The following DGKD variants were observed in gnomAD, a reference collection of about 807,000 sequenced individuals.
DGKD encodes diacylglycerol kinase delta, also known as DAG kinase delta.
DGKD carries 68 observed loss-of-function variants against 154.4 expected under a neutral mutation model. That is an observed-to-expected ratio of 0.44 (90% CI 0.36 to 0.54). The LOEUF (loss-of-function observed/expected upper bound fraction) is 0.54, where lower values mean the gene tolerates loss of function less well. Ranked by LOEUF, DGKD falls within the 20% of genes least tolerant of loss-of-function variation. The pLI, the probability that DGKD is intolerant of heterozygous loss-of-function variation, is 0.00. For missense variants in DGKD, 1,343 were observed against 1,593.6 expected (o/e 0.84, Z 2.68); for synonymous variants, 693 against 638.0 (o/e 1.09, Z -1.30).
chr2:233,449,048 T>A lies in DGKD; in HGVS notation c.1615-55T>A. 1 of 1,529,402 alleles carries A rather than the reference T, an allele frequency of 6.5e-7. No individual in the cohort carries two copies. The highest frequency in any genetic ancestry group is 2.3e-5 in the East Asian group (1 of 43,788). 94.7% of individuals were successfully genotyped at this position (1,529,402 alleles called of 1,614,324 possible). The stretch of plus-strand genomic sequence containing the variant: ...GTGAAATGGCCTGAGGTTCCCTGCC[T>A]GCAGACCCTGTTCTCCTGCCTCAGC... On this transcript the variant is annotated intron_variant, in intron 14 of 29. Coordinates refer to ENST00000264057, the MANE Select transcript of DGKD (RefSeq NM_152879.3). This position sits in a 1 kb window ranked among gnomAD's most constrained non-coding sequence, Gnocchi z 5.3.
chr2:233,410,079 C>G lies in DGKD; in HGVS notation c.348+19596C>G, dbSNP rs116543399. Among the ~76,000 whole-genome samples, 1,092 of 152,238 alleles carry G rather than the reference C, an allele frequency of 7.2e-3. 13 individuals are homozygous for G. Among genetic ancestry groups the G allele is most frequent in the African/African-American group, 0.024 (1,016 of 41,522 alleles). Reference sequence around the variant, plus strand: ...ATCCAATCCTCCTGCCTTGGCCTCCCAAAGTGCTGGGATTACAGGTGTGAG... The same window carrying G: ...ATCCAATCCTCCTGCCTTGGCCTCCGAAAGTGCTGGGATTACAGGTGTGAG... On this transcript the variant is annotated intron_variant, in intron 3 of 29. Coordinates refer to ENST00000264057, the MANE Select transcript of DGKD (RefSeq NM_152879.3).
rs935529452 is a variant in DGKD, at chr2:233,450,912, G to A, written c.2039-10G>A. The stretch of plus-strand genomic sequence containing the variant: ...ACACAGCTGTAAGGTTTTCTGCTGT[G>A]TTGTTACAGTGTCGAAATCTCCGTG... On this transcript the variant is annotated splice_polypyrimidine_tract_variant and intron_variant, in intron 16 of 29. Transcript: ENST00000264057. The A allele has an allele frequency of 6.3e-7, 1 of 1,596,786 alleles. No individual in the cohort carries two copies. Among genetic ancestry groups the A allele is most frequent in the Non-Finnish European group, 8.6e-7 (1 of 1,165,422 alleles).
At chr2:233,379,928 G>C (rs1301946173) in intron 1 of DGKD, 2 of 152,228 alleles carry the variant, frequency 1.3e-5, no homozygotes. Context: ...ACCATCGTTT[G>C]AGATAGCTCA....
chr2:233,419,963 T>G (rs940065013), intron 3 of DGKD, among the ~76,000 whole-genome samples: 3 of 152,172 alleles, frequency 2.0e-5, no homozygotes, highest in Non-Finnish European at 4.4e-5. Flanking sequence ...CTCCCTTTCC[T>G]CCCTTCATGA....
At position 233,448,309 on chromosome 2, in the gene DGKD, A is replaced by G. The variant is rs763320110; in HGVS notation, c.1548A>G (p.Ala516=). Residue 516 remains alanine, a synonymous_variant, in exon 14 of 30, where the codon GCA becomes GCG. Coordinates refer to ENST00000264057, the MANE Select transcript of DGKD (RefSeq NM_152879.3). Reference sequence around the variant, plus strand: ...GTGAGACGGTGAAGGACTTCGTGGCACGGGTGGGGAAGGCCTATGAGAAGA... The same window carrying G: ...GTGAGACGGTGAAGGACTTCGTGGCGCGGGTGGGGAAGGCCTATGAGAAGA... ...VLCETVKDFV[A]RVGKAYEKTT... is the part of the protein sequence containing the mutation. 2.5e-6 allele frequency: 4 copies of G among 1,614,086 alleles called. No homozygotes were observed. The highest frequency in any genetic ancestry group is 1.7e-6 in the Non-Finnish European group (2 of 1,180,018).
intron 19 of DGKD, 100 bp downstream of exon 19, chr2:233,454,973 C>G: frequency 1.3e-6 from 1 of 750,322 alleles, no homozygotes; most frequent in Non-Finnish European, 2.3e-6. Context: ...AAAGAACGTG[C>G]AGAATGCTAA....
At chr2:233,388,451 T>C in intron 2 of DGKD, 84 bp downstream of exon 2, 1 of 1,325,000 alleles carries the variant, frequency 7.5e-7, no homozygotes, top group Non-Finnish European at 1.0e-6. Flanking sequence ...AGTCCTTGTG[T>C]GGGAAAAGCT....
Position 233,354,605 on chromosome 2 carries a change from C to T in DGKD, c.87C>T (p.Pro29=), listed in dbSNP as rs1270512001. 2 of 1,124,784 alleles carry T rather than the reference C, an allele frequency of 1.8e-6. No homozygotes were observed. Among genetic ancestry groups the T allele is most frequent in the African/African-American group, 3.3e-5 (2 of 59,854 alleles). 69.7% of individuals were successfully genotyped at this position (1,124,784 alleles called of 1,614,324 possible). The change falls in exon 1 of 30, where the codon CCC becomes CCT. Residue 29 remains proline (P), a synonymous_variant. Coordinates refer to ENST00000264057, the MANE Select transcript of DGKD (RefSeq NM_152879.3). The surrounding 1 kb of genome is among the most constrained non-coding windows in gnomAD (Gnocchi z 4.8). The part of the protein sequence containing the change: ...PPPEESSDSE[P]EAEPGSPQKL... ...CCGAGGAGTCGTCCGACAGCGAGCC[C>T]GAGGCGGAGCCCGGCTCCCCACAGA...
chr2:233,357,287 A>G (rs1701570782), intron 1 of DGKD, among the ~76,000 whole-genome samples: 1 of 152,192 alleles, frequency 6.6e-6, no homozygotes, highest in Non-Finnish European at 1.5e-5. Context: ...AAGGACAAAG[A>G]ATGGATCTGA....
chr2:233,432,575 C>T (rs1417846140), intron 3 of DGKD, among the ~76,000 whole-genome samples: 2 of 152,198 alleles, frequency 1.3e-5, no homozygotes, highest in African/African-American at 4.8e-5. Context: ...AGGAGAATGG[C>T]ATGAACCCAA....
Position 233,466,989 on chromosome 2 carries a change from C to T in DGKD, c.3307-97C>T, listed in dbSNP as rs370767706. 1.7e-4 allele frequency: 163 copies of T among 946,132 alleles called. 1 individual carries two copies. In the East Asian group the frequency reaches 3.3e-3, roughly 19 times the overall value. The allele number at this position is 946,132 out of a possible 1,614,324, so 58.6% of individuals were successfully genotyped here. ...GGTCTTTCCCAGCTCCCGCTCATCT[C>T]AGCCCTGCCTGCCCTCCCAGCCTCT... On this transcript the variant is annotated intron_variant, in intron 27 of 29. Coordinates refer to ENST00000264057, the MANE Select transcript of DGKD (RefSeq NM_152879.3).
In DGKD at chr2:233,468,501, G is replaced by A. The variant is rs558628101; in HGVS notation, c.3503G>A (p.Arg1168Gln). Residue 1168 changes from arginine (R) to glutamine (Q), a missense_variant, in exon 29 of 30, where the codon CGG becomes CAG. Arg to Gln is a conservative substitution (Grantham distance 43). Coordinates refer to ENST00000264057, the MANE Select transcript of DGKD (RefSeq NM_152879.3). ...SLCEYKDIFTRHDIRGSELLH... is the reference protein window; with the variant it reads ...SLCEYKDIFTQHDIRGSELLH... ...TGTGAGTATAAGGACATCTTCACAC[G>A]GCACGACATCCGGGGCTCTGAGCTC... 2.9e-5 allele frequency: 46 copies of A among 1,613,654 alleles called. No individual in the cohort carries two copies. Among genetic ancestry groups the A allele is most frequent in the South Asian group, 2.7e-4 (25 of 91,048 alleles).
chr2:233,433,023 A>G (rs1436992395), intron 3 of DGKD, among the ~76,000 whole-genome samples: 1 of 152,222 alleles, frequency 6.6e-6, no homozygotes, highest in Non-Finnish European at 1.5e-5. Context: ...ACCATGGAGA[A>G]CAGTTTGGAG....
At chr2:233,454,270 C>T (rs2063382684) in intron 18 of DGKD, 5 of 420,420 alleles carry the variant, frequency 1.2e-5, no homozygotes, top group East Asian at 7.3e-5. Flanking sequence ...AGGTTAGCCA[C>T]GCAGTGGAGT....
intron 25 of DGKD, 32 bp from the exon 26 acceptor site, chr2:233,462,611 G>A (rs559159442): frequency 1.3e-5 from 20 of 1,598,900 alleles, no homozygotes; most frequent in Admixed American, 8.3e-5. Context: ...TCGGCCCCCC[G>A]CCCCCATGCA....
intron 1 of DGKD, among the ~76,000 whole-genome samples, chr2:233,387,889 A>G (rs996057416): frequency 6.6e-6 from 1 of 152,114 alleles, no homozygotes; most frequent in Non-Finnish European, 1.5e-5. Context: ...GAAAAATACC[A>G]AATGCTGAAG....
At chr2:233,390,680 C>A (rs1703539105) in intron 3 of DGKD, among the ~76,000 whole-genome samples, 197 bp downstream of exon 3, 1 of 152,136 alleles carries the variant, frequency 6.6e-6, no homozygotes, top group South Asian at 2.1e-4. Context: ...TGCATAAGCA[C>A]AAAAGGACAA....
rs376698642 is a variant in DGKD at position 233,437,493 on chromosome 2, A to G, written c.922+14A>G. 1 of 1,611,868 alleles carries G rather than the reference A, an allele frequency of 6.2e-7. No homozygotes were observed. The highest frequency in any genetic ancestry group is 8.5e-7 in the Non-Finnish European group (1 of 1,178,124). On this transcript the variant is annotated intron_variant, in intron 8 of 29. Transcript: ENST00000264057. ...TCGACTCCGATGGTGGGTACCACAC[A>G]TGCTTATCCTTCTCATGCACGCCCA...
intron 1 of DGKD, among the ~76,000 whole-genome samples, chr2:233,362,087 C>G (rs1157027527): frequency 1.3e-5 from 2 of 152,088 alleles, no homozygotes; most frequent in Non-Finnish European, 2.9e-5. Flanking sequence ...CGTGAGCCAC[C>G]TCACCCAGCC....
Sources: gnomAD v4.1 joint callset for allele counts (sites outside exome capture counted in the v4.1 genomes callset) on GRCh38, gnomAD v4.1.1 for gene constraint, Gnocchi (gnomAD v3.1) non-coding constraint, MANE v1.5 for transcripts, NCBI Gene and HGNC (gene_info 2026-07-23, HGNC 2026-07-21) for gene names.